The following SENP6 variants were observed in gnomAD, a reference collection of about 807,000 sequenced individuals.
The protein encoded by SENP6 is SUMO specific peptidase 6.
Under a neutral mutation model 134.5 loss-of-function variants are expected in SENP6, and 41 were observed. That is an observed-to-expected ratio of 0.30 (90% confidence interval 0.24 to 0.40). The LOEUF is 0.40. Ranked by LOEUF, SENP6 falls within the 10% of genes least tolerant of loss-of-function variation. The probability of loss-of-function intolerance (pLI) is 1.00; values close to 1 mark genes in which losing one functional copy is unlikely to be tolerated. For missense variants in SENP6, 1,248 were observed against 1,312.5 expected (o/e 0.95, Z 0.76); for synonymous variants, 395 against 429.8 (o/e 0.92, Z 1.00).
intron 10 of SENP6, among the ~76,000 whole-genome samples, chr6:75,670,145 C>T (rs1772556198): frequency 6.6e-6 from 1 of 152,110 alleles, no homozygotes. Context: ...CGAGGTTTCA[C>T]TGTGTTGGGC....
intron 16 of SENP6, among the ~76,000 whole-genome samples, chr6:75,693,945 A>G (rs962125368): frequency 2.0e-5 from 3 of 152,108 alleles, no homozygotes; most frequent in Admixed American, 1.3e-4. Context: ...TGTATAAAAA[A>G]ATAACTAAGG....
At chr6:75,651,956 G>A (rs1000548956) in intron 7 of SENP6, among the ~76,000 whole-genome samples, 16 of 151,674 alleles carry the variant, frequency 1.1e-4, no homozygotes, top group Non-Finnish European at 1.5e-4. Context: ...CAGGAGGATC[G>A]CTTGAGCCCA....
At chr6:75,664,017 T>C (rs745752096) in intron 9 of SENP6, among the ~76,000 whole-genome samples, 1 of 152,146 alleles carries the variant, frequency 6.6e-6, no homozygotes, top group African/African-American at 2.4e-5. Flanking sequence ...GACTAGAGTA[T>C]ACAGCGTGTA....
At chr6:75,685,537 C>G (rs995276553) in intron 16 of SENP6, among the ~76,000 whole-genome samples, 22 of 152,142 alleles carry the variant, frequency 1.4e-4, no homozygotes, top group Non-Finnish European at 2.5e-4. Flanking sequence ...ATTAATTTCC[C>G]TCTACGCACT....
chr6:75,612,394 C>T (rs1256548814), intron 1 of SENP6, among the ~76,000 whole-genome samples: 1 of 152,054 alleles, frequency 6.6e-6, no homozygotes, highest in Non-Finnish European at 1.5e-5. Flanking sequence ...TGTTGTGGTG[C>T]GCTTATGGCT....
intron 8 of SENP6, among the ~76,000 whole-genome samples, chr6:75,660,250 A>T (rs1164070963): frequency 6.6e-6 from 1 of 152,232 alleles, no homozygotes; most frequent in Non-Finnish European, 1.5e-5. Context: ...ATCAGGAGAC[A>T]TACGATGTTG....
chr6:75,706,909 G>A (rs1775437669), intron 19 of SENP6, among the ~76,000 whole-genome samples: 1 of 152,152 alleles, frequency 6.6e-6, no homozygotes. Flanking sequence ...TGAAATAGTT[G>A]ACTTGCCATG....
intron 17 of SENP6, among the ~76,000 whole-genome samples, chr6:75,696,398 T>C (rs1159603274): frequency 6.6e-6 from 1 of 152,236 alleles, no homozygotes; most frequent in Non-Finnish European, 1.5e-5. Flanking sequence ...AAGGAACCTG[T>C]GAATCTATAC....
rs1775736056 is a variant in SENP6, at chr6:75,711,405, T to C, written c.2898T>C (p.Thr966=). 2 of 1,609,382 alleles carry C rather than the reference T, an allele frequency of 1.2e-6. No individual in the cohort carries two copies. Among genetic ancestry groups the C allele is most frequent in the Non-Finnish European group, 1.7e-6 (2 of 1,176,172 alleles). The part of the protein sequence containing the change: ...SEIGQWHLKP[T]ICKQPCILLM... ...TAGGACAGTGGCATTTAAAGCCTAC[T>C]ATCTGTAAACAGTAAGCATTAACTG... Residue 966 remains threonine, a synonymous_variant, in exon 21 of 24, where the codon ACT becomes ACC. Coordinates refer to ENST00000447266, the MANE Select transcript of SENP6 (RefSeq NM_015571.4).
intron 1 of SENP6, chr6:75,612,014 A>G (rs533955086): frequency 6.6e-6 from 1 of 152,294 alleles, no homozygotes; most frequent in South Asian, 2.1e-4. Flanking sequence ...GTAGTGATCT[A>G]TTAGTTTGTC....
At chr6:75,649,243 A>G (rs1770683885) in intron 7 of SENP6, among the ~76,000 whole-genome samples, 1 of 151,960 alleles carries the variant, frequency 6.6e-6, no homozygotes, top group South Asian at 2.1e-4. Context: ...TGAACCCAGG[A>G]GGCAGAGGTT....
At chr6:75,699,856 A>C (rs1774915038) in intron 18 of SENP6, among the ~76,000 whole-genome samples, 1 of 152,128 alleles carries the variant, frequency 6.6e-6, no homozygotes, top group Admixed American at 6.6e-5. Flanking sequence ...AGAAACACAA[A>C]TTTGATGTGT....
chr6:75,649,856 T>C (rs1343375823), intron 7 of SENP6, among the ~76,000 whole-genome samples: 2 of 152,106 alleles, frequency 1.3e-5, no homozygotes, highest in Non-Finnish European at 2.9e-5. Flanking sequence ...TTAGAGAAAA[T>C]TTGCAAATTT....
chr6:75,603,562 A>G (rs1008767843), intron 1 of SENP6, among the ~76,000 whole-genome samples: 14 of 152,214 alleles, frequency 9.2e-5, no homozygotes, highest in African/African-American at 3.4e-4. Flanking sequence ...CTTTACTTCA[A>G]AAAATAACTT....
At chr6:75,659,805 A>G (rs1771635447) in intron 8 of SENP6, among the ~76,000 whole-genome samples, 1 of 152,142 alleles carries the variant, frequency 6.6e-6, no homozygotes, top group South Asian at 2.1e-4. Flanking sequence ...CTGCCTACCC[A>G]TAAACGTGTG....
chr6:75,622,471 A>AT (rs2149829739), intron 2 of SENP6, among the ~76,000 whole-genome samples: 1 of 152,320 alleles, frequency 6.6e-6, no homozygotes, highest in East Asian at 1.9e-4. Context: ...AGGCAGGAGA[A>AT]TCACTTGAAC....
chr6:75,685,143 AG>A (rs1373014045), intron 16 of SENP6, among the ~76,000 whole-genome samples: 1 of 152,190 alleles, frequency 6.6e-6, no homozygotes, highest in East Asian at 1.9e-4. Flanking sequence ...GTATGTGTCC[AG>A]GAATTTATCC....
chr6:75,695,843 C>G lies in SENP6; in HGVS notation c.2115C>G (p.Asp705Glu). 1 of 1,604,542 alleles carries G rather than the reference C, an allele frequency of 6.2e-7. No individual in the cohort carries two copies. The highest frequency in any genetic ancestry group is 8.5e-7 in the Non-Finnish European group (1 of 1,175,896). Residue 705 changes from aspartate (D) to glutamate (E), a missense_variant, in exon 17 of 24, where the codon GAC becomes GAG. Around this residue, in one of 3 missense-constraint regions of SENP6, gnomAD observed 129 missense variants for 192.0 expected, o/e 0.67. Coordinates refer to ENST00000447266, the MANE Select transcript of SENP6 (RefSeq NM_015571.4). ...VLEKLKKEDA[D>E]RIHIFSSFFY... Reference sequence around the variant, plus strand: ...AAAAACTGAAGAAGGAAGACGCTGACCGAATTCATATATTCAGTTCTTTTT... The same window carrying G: ...AAAAACTGAAGAAGGAAGACGCTGAGCGAATTCATATATTCAGTTCTTTTT...
intron 18 of SENP6, among the ~76,000 whole-genome samples, chr6:75,699,909 T>C (rs1487404093): frequency 2.0e-5 from 3 of 152,174 alleles, no homozygotes; most frequent in African/African-American, 4.8e-5. Context: ...GTATTTTCTT[T>C]TGTTTTGTTT....
Sources: gnomAD v4.1 joint callset for allele counts (sites outside exome capture counted in the v4.1 genomes callset) on GRCh38, gnomAD v4.1.1 for gene constraint, gnomAD v4.1.1 regional missense constraint, MANE v1.5 for transcripts, NCBI Gene and HGNC (gene_info 2026-07-23, HGNC 2026-07-21) for gene names.